Variants in PAN3 observed in about 807,000 individuals in gnomAD.
PAN3 encodes the protein poly(A) specific ribonuclease subunit PAN3.
A neutral mutation model predicts 96.2 loss-of-function variants in PAN3; 19 were observed. The ratio of observed to expected loss-of-function variants is 0.20; its 90% CI spans 0.14 to 0.29. The LOEUF is 0.29. Ranked by LOEUF, PAN3 falls within the 10% of genes least tolerant of loss-of-function variation. The pLI is 1.00. For synonymous variants in PAN3, 433 were observed against 406.6 expected, an observed-to-expected ratio of 1.06 and a Z score of -0.78; for missense variants, 882 against 1,108.1, an observed-to-expected ratio of 0.80 and a Z score of 2.90.
chr13:28,142,299 A>G (rs2137912803), intron 1 of PAN3, among the ~76,000 whole-genome samples: 1 of 152,240 alleles, frequency 6.6e-6, no homozygotes, highest in Non-Finnish European at 1.5e-5. Context: ...CTTTTACTGT[A>G]TTCTCATTCA....
At chr13:28,141,272 TGGGATTACAG>T (rs1869768619) in intron 1 of PAN3, among the ~76,000 whole-genome samples, 1 of 151,652 alleles carries the variant, frequency 6.6e-6, no homozygotes, top group Admixed American at 6.6e-5. Context: ...CCCAAAGTGC[TGGGATTACAG>T]GTGTGAGCCA....
chr13:28,185,717 T>C (rs1876372154), intron 4 of PAN3, among the ~76,000 whole-genome samples: 1 of 152,206 alleles, frequency 6.6e-6, no homozygotes, highest in South Asian at 2.1e-4. Flanking sequence ...TACTGTTGGC[T>C]GTACTCATCA....
chr13:28,189,431 G>A (rs907932578), intron 4 of PAN3, among the ~76,000 whole-genome samples: 3 of 152,040 alleles, frequency 2.0e-5, no homozygotes, highest in Non-Finnish European at 4.4e-5. Flanking sequence ...CAGGAGAATG[G>A]CTTGAACCCA....
intron 7 of PAN3, among the ~76,000 whole-genome samples, chr13:28,257,815 A>T (rs1414048516): frequency 7.0e-6 from 1 of 142,494 alleles, no homozygotes; most frequent in African/African-American, 2.6e-5. Context: ...AAATTATATA[A>T]ATATATATAT....
At chr13:28,240,330 A>T (rs1277282141) in intron 6 of PAN3, among the ~76,000 whole-genome samples, 2 of 152,202 alleles carry the variant, frequency 1.3e-5, no homozygotes, top group East Asian at 3.8e-4. Context: ...TCTGGGCCAT[A>T]ATTATACAGG....
intron 6 of PAN3, among the ~76,000 whole-genome samples, chr13:28,251,205 T>C (rs1884692748): frequency 6.6e-6 from 1 of 152,240 alleles, no homozygotes; most frequent in African/African-American, 2.4e-5. Flanking sequence ...GTTTGTCACT[T>C]CTTTCATATT....
intron 5 of PAN3, among the ~76,000 whole-genome samples, chr13:28,206,795 G>A (rs1379094543): frequency 1.3e-5 from 2 of 150,804 alleles, no homozygotes; most frequent in African/African-American, 4.9e-5. Flanking sequence ...ACTCTGCCAA[G>A]CTCTGTCATT....
At chr13:28,258,991 A>G (rs545079929) in intron 7 of PAN3, among the ~76,000 whole-genome samples, 1 of 152,178 alleles carries the variant, frequency 6.6e-6, no homozygotes, top group Non-Finnish European at 1.5e-5. Context: ...TTTCCTACCC[A>G]TGGTTGGTCG....
chr13:28,157,099 C>T lies in PAN3; in HGVS notation c.431-17173C>T, dbSNP rs188637753. ...CATACACAAATCAATAAATGTTACC[C>T]GTCACATAAACAGAGCTAAAAACAA... On this transcript the variant is annotated intron_variant, in intron 1 of 18. Coordinates refer to ENST00000380958, the MANE Select transcript of PAN3 (RefSeq NM_175854.8). 3.2e-3 allele frequency among the ~76,000 whole-genome samples: 487 copies of T among 151,716 alleles called. 2 individuals are homozygous for T. Among genetic ancestry groups the T allele is most frequent in the Middle Eastern group, 0.017 (5 of 294 alleles).
At chr13:28,209,701 C>T (rs772513244) in intron 5 of PAN3, among the ~76,000 whole-genome samples, 1 of 152,088 alleles carries the variant, frequency 6.6e-6, no homozygotes, top group Non-Finnish European at 1.5e-5. Flanking sequence ...AGATCAAGGG[C>T]ATGCTTATTC....
At chr13:28,169,008 T>A (rs1408302443) in intron 1 of PAN3, among the ~76,000 whole-genome samples, 15 of 149,928 alleles carry the variant, frequency 1.0e-4, no homozygotes, top group Non-Finnish European at 1.8e-4. Flanking sequence ...AGAGCGAGAC[T>A]CCGTCTCAAA....
At chr13:28,183,236 T>C (rs1324129052) in intron 4 of PAN3, among the ~76,000 whole-genome samples, 5 of 152,160 alleles carry the variant, frequency 3.3e-5, no homozygotes, top group African/African-American at 1.2e-4. Flanking sequence ...CTAAATTTAA[T>C]CTGTAAAATG....
At chr13:28,281,401 C>T (rs768628075) in intron 17 of PAN3, 22 bp downstream of exon 17, 1 of 1,577,396 alleles carries the variant, frequency 6.3e-7, no homozygotes, top group South Asian at 1.1e-5. Flanking sequence ...CAGTATTTTA[C>T]AATATATTTT....
chr13:28,249,649 C>T (rs1055631770), intron 6 of PAN3, among the ~76,000 whole-genome samples: 3 of 152,056 alleles, frequency 2.0e-5, no homozygotes, highest in Non-Finnish European at 2.9e-5. Context: ...GGGGTTTCAC[C>T]ATGTTGACCA....
At chr13:28,210,178 CTT>C (rs1879864335) in intron 5 of PAN3, among the ~76,000 whole-genome samples, 1 of 152,132 alleles carries the variant, frequency 6.6e-6, no homozygotes, top group Admixed American at 6.6e-5. Flanking sequence ...TTCTGGCAAA[CTT>C]TGTAAAGGAT....
chr13:28,143,452 A>G (rs1023970596), intron 1 of PAN3, among the ~76,000 whole-genome samples: 1 of 152,192 alleles, frequency 6.6e-6, no homozygotes, highest in Non-Finnish European at 1.5e-5. Context: ...TTTGTATTTT[A>G]TGTACATTAT....
chr13:28,236,351 C>T (rs958649068), intron 6 of PAN3, among the ~76,000 whole-genome samples: 2 of 152,146 alleles, frequency 1.3e-5, no homozygotes, highest in Non-Finnish European at 2.9e-5. Flanking sequence ...CATCTAGGAC[C>T]TATTAAATCA....
At chr13:28,217,228 GGAT>G (rs1242371755) in intron 5 of PAN3, among the ~76,000 whole-genome samples, 3 of 151,988 alleles carry the variant, frequency 2.0e-5, no homozygotes, top group Admixed American at 6.6e-5. Context: ...GAAAGTTGGG[GGAT>G]GATGTCATTT....
chr13:28,221,361 G>A (rs867091185), intron 6 of PAN3, among the ~76,000 whole-genome samples: 14 of 148,036 alleles, frequency 9.5e-5, no homozygotes, highest in Admixed American at 9.3e-4. Flanking sequence ...AAAAAAAACA[G>A]AAATAAAATG....
Sources: gnomAD v4.1 joint callset for allele counts (sites outside exome capture counted in the v4.1 genomes callset) on GRCh38, gnomAD v4.1.1 for gene constraint, MANE v1.5 for transcripts, NCBI Gene and HGNC (gene_info 2026-07-23, HGNC 2026-07-21) for gene names.